ATP11A: variants seen among roughly 807,000 people sequenced by gnomAD.
ATP11A encodes phospholipid-transporting ATPase IH.
In ATP11A, 81 loss-of-function variants were observed where a neutral mutation model predicts 154.4. That is an observed-to-expected ratio of 0.52 (90% CI 0.44 to 0.63). ATP11A has a LOEUF of 0.63. Among genes scored for constraint, ATP11A ranks in the 30% least tolerant of loss-of-function variants. The pLI is 0.00. For missense variants in ATP11A, 1,316 were observed against 1,474.3 expected (o/e 0.89, Z 1.76); for synonymous variants, 623 against 585.9 (o/e 1.06, Z -0.91).
In ATP11A at chr13:112,697,837, G is replaced by C. The variant is rs546128213; in HGVS notation, c.39+7382G>C. Among the ~76,000 whole-genome samples, 1 of 150,798 alleles carries C rather than the reference G, an allele frequency of 6.6e-6. No homozygotes were observed. Among genetic ancestry groups the C allele is most frequent in the South Asian group, 2.1e-4 (1 of 4,738 alleles). On this transcript the variant is annotated intron_variant, in intron 1 of 29. Transcript: ENST00000375645. This position sits in a 1 kb window ranked among gnomAD's most constrained non-coding sequence, Gnocchi z 4.0. The stretch of plus-strand genomic sequence containing the variant: ...GATCCGCCCACCTCTGCTTCCCAAA[G>C]TGCTGGGATTGCAGGTATGTGCCAC...
intron 1 of ATP11A, among the ~76,000 whole-genome samples, chr13:112,732,136 G>A (rs1245634287): frequency 1.3e-5 from 2 of 152,152 alleles, no homozygotes; most frequent in Non-Finnish European, 2.9e-5. Context: ...GGCAATAACT[G>A]CGTCCCAAGC....
At chr13:112,742,458 G>T (rs552902815) in intron 1 of ATP11A, among the ~76,000 whole-genome samples, 2 of 152,192 alleles carry the variant, frequency 1.3e-5, no homozygotes, top group African/African-American at 2.4e-5. Flanking sequence ...TGTGTGGGGG[G>T]ACTTATGACA....
rs1157809480 is a variant in ATP11A, at chr13:112,883,303, G to T, written c.*1437G>T. On this transcript the variant is annotated 3_prime_UTR_variant, in exon 30 of 30. Transcript: ENST00000375645. ...CTCCGTACTGGCATTTCTATTTCTA[G>T]AAATAATATTTGACATAGCCTTAAT... 7.5e-6 allele frequency: 3 copies of T among 398,258 alleles called. No homozygotes were observed. The highest frequency in any genetic ancestry group is 3.6e-5 in the East Asian group (1 of 28,086). The allele number at this position is 398,258 out of a possible 1,614,324, so 24.7% of individuals were successfully genotyped here.
intron 1 of ATP11A, among the ~76,000 whole-genome samples, chr13:112,761,119 C>A (rs1422021465): frequency 2.6e-5 from 4 of 152,172 alleles, no homozygotes; most frequent in Non-Finnish European, 4.4e-5. Context: ...ACGCTCCCCA[C>A]CCCCCTTATG....
chr13:112,756,119 C>T (rs929705724), intron 1 of ATP11A, among the ~76,000 whole-genome samples: 1 of 152,274 alleles, frequency 6.6e-6, no homozygotes, highest in African/African-American at 2.4e-5. Flanking sequence ...AATTTCTTAG[C>T]AACCCTGGTG....
chr13:112,872,038 G>A (rs543614281), intron 26 of ATP11A, among the ~76,000 whole-genome samples: 18 of 152,268 alleles, frequency 1.2e-4, no homozygotes, highest in African/African-American at 3.6e-4. Context: ...GAGCTACACC[G>A]GAGGTAACCT....
At position 112,697,647 on chromosome 13, in the gene ATP11A, A is replaced by ATCCTCTGCC. The variant is rs1417645660; in HGVS notation, c.39+7197_39+7205dup. 1.3e-4 allele frequency among the ~76,000 whole-genome samples: 20 copies of ATCCTCTGCC among 151,680 alleles called. No individual in the cohort carries two copies. The highest frequency in any genetic ancestry group is 4.6e-4 in the African/African-American group (19 of 41,188). ...CAGTGGCTTGATCTTGGCTCACTGC[A>ATCCTCTGCC]TCCTCTGCCTCCTAGGTGCAAGCAG... On this transcript the variant is annotated intron_variant, in intron 1 of 29. Transcript: ENST00000375645. This position sits in a 1 kb window ranked among gnomAD's most constrained non-coding sequence, Gnocchi z 4.0.
chr13:112,748,623 C>G (rs919901474), intron 1 of ATP11A, among the ~76,000 whole-genome samples: 1 of 152,146 alleles, frequency 6.6e-6, no homozygotes, highest in African/African-American at 2.4e-5. Flanking sequence ...GCCGAGGCCT[C>G]CAAAAGTGCT....
At chr13:112,853,843 A>T (rs2297800) in intron 18 of ATP11A, among the ~76,000 whole-genome samples, 32 of 152,112 alleles carry the variant, frequency 2.1e-4, no homozygotes, top group Non-Finnish European at 4.1e-4. Flanking sequence ...TGACAAACTT[A>T]GAACAGTTTA....
At position 112,746,885 on chromosome 13, in the gene ATP11A, T is replaced by C. The variant is rs1229638053; in HGVS notation, c.40-38250T>C. On this transcript the variant is annotated intron_variant, in intron 1 of 29. Transcript: ENST00000375645. The surrounding 1 kb of genome is among the most constrained non-coding windows in gnomAD (Gnocchi z 4.1). Reference sequence around the variant, plus strand: ...ATTGTGGTTTTAATTTGAGCACTTTTCATCTCCTTATTAGACCTTCTTGCT... The same window carrying C: ...ATTGTGGTTTTAATTTGAGCACTTTCCATCTCCTTATTAGACCTTCTTGCT... The C allele has an allele frequency of 6.6e-6, 1 of 152,200 alleles. No individual in the cohort carries two copies. Among genetic ancestry groups the C allele is most frequent in the Non-Finnish European group, 1.5e-5 (1 of 68,028 alleles). 9.4% of individuals were successfully genotyped at this position (152,200 alleles called of 1,614,324 possible).
At chr13:112,871,514 G>A (rs541423155) in intron 25 of ATP11A, among the ~76,000 whole-genome samples, 73 of 152,294 alleles carry the variant, frequency 4.8e-4, no homozygotes, top group African/African-American at 1.6e-3. Context: ...CACAGAACTG[G>A]TGGTGGGAGA....
intron 17 of ATP11A, among the ~76,000 whole-genome samples, chr13:112,847,355 C>T (rs1004343849): frequency 6.6e-6 from 1 of 152,302 alleles, no homozygotes; most frequent in Admixed American, 6.5e-5. Context: ...GAAGATTTGC[C>T]ACCACTGTGT....
In ATP11A at chr13:112,862,147, G is replaced by A. The variant is rs8002748; in HGVS notation, c.2856-293G>A. On this transcript the variant is annotated intron_variant, in intron 24 of 29. Coordinates refer to ENST00000375645, the MANE Select transcript of ATP11A (RefSeq NM_015205.3). ...GGGGTGTGCCTTGTGTTCTCTGTTC[G>A]TTGCTTTCAGAAGCAGCAGCATGTG... Among the ~76,000 whole-genome samples, 705 of 152,356 alleles carry A rather than the reference G, an allele frequency of 4.6e-3. 5 individuals carry two copies. Among genetic ancestry groups the A allele is most frequent in the African/African-American group, 0.016 (653 of 41,582 alleles).
intron 15 of ATP11A, among the ~76,000 whole-genome samples, chr13:112,834,961 A>C (rs927784804): frequency 6.6e-6 from 1 of 152,248 alleles, no homozygotes; most frequent in South Asian, 2.1e-4. Flanking sequence ...AGCCACCTGA[A>C]GTCAGGTTTT....
intron 19 of ATP11A, 135 bp from the exon 20 acceptor site, chr13:112,855,776 A>G: frequency 1.3e-6 from 1 of 760,966 alleles, no homozygotes; most frequent in East Asian, 2.6e-5. Context: ...TAAAAATTGT[A>G]TTGGTAAAAC....
rs574306938 is a variant in ATP11A at position 112,818,290 on chromosome 13, A to G, written c.571-1014A>G. Among the ~76,000 whole-genome samples the G allele has an allele frequency of 7.2e-3, 829 of 114,832 alleles. 8 individuals carry two copies. Among genetic ancestry groups the G allele is most frequent in the African/African-American group, 0.027 (784 of 29,192 alleles). 75.3% of individuals were successfully genotyped at this position (114,832 alleles called of 152,430 possible). A position where few individuals can be genotyped will look rare whatever the true frequency, so the allele number is the denominator to read the frequency against. On this transcript the variant is annotated intron_variant, in intron 6 of 29. Transcript: ENST00000375645. ...GATGACCGTTGGTGCGCTTGGTGAC[A>G]GGCGATGACCGTTGGTGCGCTTGGT...
chr13:112,764,467 C>A lies in ATP11A; in HGVS notation c.40-20668C>A, dbSNP rs193187763. ...TCCTGGGTCTGTCAGGGTTAGAAGA[C>A]CTCCTGATGATGAGCAGAACAGGGC... On this transcript the variant is annotated intron_variant, in intron 1 of 29. Coordinates refer to ENST00000375645, the MANE Select transcript of ATP11A (RefSeq NM_015205.3). 5.4e-3 allele frequency among the ~76,000 whole-genome samples: 827 copies of A among 152,290 alleles called. 7 individuals are homozygous for A. Among genetic ancestry groups the A allele is most frequent in the African/African-American group, 0.018 (744 of 41,566 alleles).
chr13:112,722,054 G>GT, intron 1 of ATP11A, among the ~76,000 whole-genome samples: 1 of 152,258 alleles, frequency 6.6e-6, no homozygotes, highest in East Asian at 1.9e-4. Context: ...ACCAAACTCT[G>GT]TATCAGTGAA....
At position 112,831,281 on chromosome 13, in the gene ATP11A, G is replaced by A. The variant is rs1321292552; in HGVS notation, c.1222-94G>A. On this transcript the variant is annotated intron_variant, in intron 12 of 29. Transcript: ENST00000375645. ...ATCCACCGCCTATTCAAGTCACAGT[G>A]GGAGCTGGGGAGGAAACACGGCTGC... 1.0e-5 allele frequency: 14 copies of A among 1,373,704 alleles called. No homozygotes were observed. The Admixed American group carries it at 2.0e-4, about 19-fold the overall frequency. The allele number at this position is 1,373,704 out of a possible 1,614,324, so 85.1% of individuals were successfully genotyped here.
Sources: gnomAD v4.1 joint callset for allele counts (sites outside exome capture counted in the v4.1 genomes callset) on GRCh38, gnomAD v4.1.1 for gene constraint, Gnocchi (gnomAD v3.1) non-coding constraint, MANE v1.5 for transcripts, NCBI Gene and HGNC (gene_info 2026-07-23, HGNC 2026-07-21) for gene names.